The following TRABD2B variants were observed in gnomAD, a reference collection of about 807,000 sequenced individuals.
The protein encoded by TRABD2B is TraB domain containing 2B.
Under a neutral mutation model 40.1 loss-of-function variants are expected in TRABD2B, and 14 were observed. The ratio of observed to expected loss-of-function variants is 0.35; its 90% CI spans 0.23 to 0.55. TRABD2B has a LOEUF of 0.55. TRABD2B is among the 20% of genes least tolerant of loss of function. The pLI, the probability that TRABD2B is intolerant of heterozygous loss-of-function variation, is 0.90. For synonymous variants in TRABD2B, 263 were observed against 277.0 expected, an observed-to-expected ratio of 0.95 and a Z score of 0.50; for missense variants, 541 against 648.6, an observed-to-expected ratio of 0.83 and a Z score of 1.80.
At chr1:47,858,791 A>G (rs1643924839) in intron 2 of TRABD2B, among the ~76,000 whole-genome samples, 1 of 152,204 alleles carries the variant, frequency 6.6e-6, no homozygotes, top group Non-Finnish European at 1.5e-5. Flanking sequence ...CCAGACAAGA[A>G]GAGGCCTTTG....
chr1:47,871,784 G>A (rs923911942), intron 2 of TRABD2B, among the ~76,000 whole-genome samples: 3 of 152,108 alleles, frequency 2.0e-5, no homozygotes, highest in South Asian at 2.1e-4. Context: ...TCTTTTCATC[G>A]CTCATCCATT....
chr1:47,995,503 T>A lies in TRABD2B; in HGVS notation c.103-906A>T, dbSNP rs1401783678. Among the ~76,000 whole-genome samples, 4 of 57,066 alleles carry A rather than the reference T, an allele frequency of 7.0e-5. No individual in the cohort carries two copies. The South Asian group carries it at 1.2e-3, about 17-fold the overall frequency. The allele number at this position is 57,066 out of a possible 152,430, so 37.4% of individuals were successfully genotyped here. A position where few individuals can be genotyped will look rare whatever the true frequency, so the allele number is the denominator to read the frequency against. On this transcript the variant is annotated intron_variant, in intron 1 of 6. Transcript: ENST00000606738. Reference sequence around the variant, plus strand: ...TCCGACTTAGGGGAGTGTGTGTGCGTGTGTGTGTGTGTGTGTGCGCGTGTG... The same window carrying A: ...TCCGACTTAGGGGAGTGTGTGTGCGAGTGTGTGTGTGTGTGTGCGCGTGTG...
intron 2 of TRABD2B, among the ~76,000 whole-genome samples, chr1:47,874,291 C>T (rs1342072447): frequency 8.3e-6 from 1 of 120,566 alleles, no homozygotes; most frequent in East Asian, 2.9e-4. Context: ...CGGAGTCTCG[C>T]TCTGTCGCCC....
At chr1:47,984,686 C>T (rs1418507345) in intron 2 of TRABD2B, among the ~76,000 whole-genome samples, 1 of 152,040 alleles carries the variant, frequency 6.6e-6, no homozygotes, top group South Asian at 2.1e-4. Flanking sequence ...CTAGTACTCC[C>T]TAGGCTTTAC....
intron 2 of TRABD2B, among the ~76,000 whole-genome samples, chr1:47,977,098 A>T (rs533942151): frequency 6.9e-6 from 1 of 145,762 alleles, no homozygotes; most frequent in Non-Finnish European, 1.5e-5. Context: ...CGCGAGACAG[A>T]GTCTTGCTCT....
chr1:47,908,676 C>T (rs1195741999), intron 2 of TRABD2B, among the ~76,000 whole-genome samples: 1 of 152,228 alleles, frequency 6.6e-6, no homozygotes, highest in African/African-American at 2.4e-5. Context: ...CCTCTCTGGC[C>T]TTTTCTTCAA....
chr1:47,988,225 C>T (rs1196902259), intron 2 of TRABD2B, among the ~76,000 whole-genome samples: 1 of 152,098 alleles, frequency 6.6e-6, no homozygotes, highest in Middle Eastern at 3.2e-3. Flanking sequence ...GAAGAAAGAA[C>T]AGGGTCTCTA....
chr1:47,775,116 C>T (rs1012020935), intron 6 of TRABD2B, 54 bp downstream of exon 6: 8 of 1,231,816 alleles, frequency 6.5e-6, no homozygotes, highest in Non-Finnish European at 8.1e-6. Context: ...TCAGGGTATA[C>T]TATCCCGGGT....
intron 5 of TRABD2B, among the ~76,000 whole-genome samples, chr1:47,777,514 T>C (rs927830542): frequency 2.0e-5 from 3 of 152,208 alleles, no homozygotes; most frequent in Admixed American, 1.3e-4. Flanking sequence ...CTTACACCGC[T>C]GTGTGTCCTT....
At chr1:47,920,147 G>A (rs771221355) in intron 2 of TRABD2B, among the ~76,000 whole-genome samples, 2 of 152,140 alleles carry the variant, frequency 1.3e-5, no homozygotes, top group South Asian at 2.1e-4. Context: ...CCTGAGGATC[G>A]AGTGGTGGAT....
At chr1:47,816,933 C>G (rs536791740) in intron 2 of TRABD2B, among the ~76,000 whole-genome samples, 2 of 152,260 alleles carry the variant, frequency 1.3e-5, no homozygotes, top group South Asian at 4.1e-4. Flanking sequence ...TGAAAATAGT[C>G]TAGCAATTTT....
chr1:47,843,820 T>TGG (rs1645431184), intron 2 of TRABD2B, among the ~76,000 whole-genome samples: 1 of 152,216 alleles, frequency 6.6e-6, no homozygotes, highest in East Asian at 1.9e-4. Context: ...AGAAGGCAGA[T>TGG]GAGTGGGGTG....
At chr1:47,855,574 T>C (rs1013664461) in intron 2 of TRABD2B, among the ~76,000 whole-genome samples, 1 of 152,270 alleles carries the variant, frequency 6.6e-6, no homozygotes, top group Non-Finnish European at 1.5e-5. Context: ...TTCTGACAGC[T>C]GTCTAGTATT....
Position 47,801,505 on chromosome 1 carries a change from TGAG to T in TRABD2B, c.778_780del (p.Leu260del). ...GTGTCGTGGTTGAAGATGACTGCGC[TGAG>T]GTCTCCGCAGTTGTAGTGCTTGATG... On this transcript the variant is annotated inframe_deletion, in exon 3 of 7. Transcript: ENST00000606738. 1 of 1,536,086 alleles carries T rather than the reference TGAG, an allele frequency of 6.5e-7. No homozygotes were observed. The highest frequency in any genetic ancestry group is 8.7e-7 in the Non-Finnish European group (1 of 1,146,880).
intron 2 of TRABD2B, among the ~76,000 whole-genome samples, chr1:47,879,225 T>TA (rs1284545291): frequency 6.6e-6 from 1 of 152,200 alleles, no homozygotes; most frequent in Non-Finnish European, 1.5e-5. Context: ...AAAACACACA[T>TA]ACATATAAAT....
intron 2 of TRABD2B, among the ~76,000 whole-genome samples, chr1:47,892,157 G>A (rs1644456678): frequency 6.6e-6 from 1 of 152,256 alleles, no homozygotes; most frequent in South Asian, 2.1e-4. Flanking sequence ...CTGAGGCCAT[G>A]GTGCTGAACA....
chr1:47,994,366 C>T lies in TRABD2B; in HGVS notation c.334G>A (p.Val112Met), dbSNP rs1189145921. The change falls in exon 2 of 7, where the codon GTG becomes ATG. Residue 112 changes from valine (V) to methionine (M), a missense_variant. Val to Met is a conservative substitution (Grantham distance 21). Transcript: ENST00000606738. The surrounding 1 kb of genome is among the most constrained non-coding windows in gnomAD (Gnocchi z 6.7). ...CGCCAGTAAAGCTCGTGGGGCAGCACGTCCTGCAGGTTTTCCCCGTGCGGC... is the reference window on the plus strand; with the variant it reads ...CGCCAGTAAAGCTCGTGGGGCAGCATGTCCTGCAGGTTTTCCCCGTGCGGC... ...LLPHGENLQD[V>M]LPHELYWRLK... 14 of 1,536,048 alleles carry T rather than the reference C, an allele frequency of 9.1e-6. No individual in the cohort carries two copies. The highest frequency in any genetic ancestry group is 2.0e-5 in the Admixed American group (1 of 50,990).
intron 2 of TRABD2B, among the ~76,000 whole-genome samples, chr1:47,863,948 A>T (rs1019358158): frequency 3.3e-5 from 5 of 152,212 alleles, no homozygotes; most frequent in Non-Finnish European, 5.9e-5. Flanking sequence ...CCATGAAAAG[A>T]CATAATGGAA....
chr1:47,947,480 G>C (rs985405017), intron 2 of TRABD2B, among the ~76,000 whole-genome samples: 7 of 152,270 alleles, frequency 4.6e-5, no homozygotes, highest in Admixed American at 1.3e-4. Flanking sequence ...GCTTTGCAGA[G>C]TGCCACAACT....
Sources: gnomAD v4.1 joint callset for allele counts (sites outside exome capture counted in the v4.1 genomes callset) on GRCh38, gnomAD v4.1.1 for gene constraint, Gnocchi (gnomAD v3.1) non-coding constraint, MANE v1.5 for transcripts, NCBI Gene and HGNC (gene_info 2026-07-23, HGNC 2026-07-21) for gene names.